GSDMC: variants seen among roughly 807,000 people sequenced by gnomAD.
The protein encoded by GSDMC is gasdermin C.
In GSDMC, 59 loss-of-function variants were observed where a neutral mutation model predicts 58.0. The ratio of observed to expected loss-of-function variants is 1.02; its 90% CI spans 0.82 to 1.26. The LOEUF (loss-of-function observed/expected upper bound fraction) is 1.26. GSDMC is among the 50% of genes most tolerant of loss of function. The probability of loss-of-function intolerance (pLI) is 0.00; values close to 1 mark genes in which losing one functional copy is unlikely to be tolerated. For missense variants in GSDMC, 659 were observed against 598.5 expected, an observed-to-expected ratio of 1.10 and a Z score of -1.06; for synonymous variants, 241 against 220.2, an observed-to-expected ratio of 1.09 and a Z score of -0.83.
At chr8:129,744,109 A>C (rs1201419722), downstream of GSDMC, among the ~76,000 whole-genome samples, 1 of 151,780 alleles carries the variant, frequency 6.6e-6, no homozygotes. Context: ...TCAACCTCCT[A>C]TCTCTGTGTT....
At chr8:129,776,349 C>T in intron 2 of GSDMC, 64 bp from the exon 3 acceptor site, 1 of 1,290,444 alleles carries the variant, frequency 7.7e-7, no homozygotes, top group Non-Finnish European at 1.1e-6. Context: ...AAAGGTTTAG[C>T]CAAGAACAGC....
the GSDMC span, among the ~76,000 whole-genome samples, chr8:129,727,165 T>C: frequency 6.6e-6 from 1 of 152,200 alleles, no homozygotes; most frequent in South Asian, 2.1e-4. Context: ...AAAGAAGTCA[T>C]GCTGGATTAG....
chr8:129,785,176 A>T (rs971283979), intron 1 of GSDMC, among the ~76,000 whole-genome samples: 3 of 152,066 alleles, frequency 2.0e-5, no homozygotes, highest in African/African-American at 7.2e-5. Flanking sequence ...GCACTGTTGC[A>T]CTCCAGCCTG....
chr8:129,778,424 G>A (rs753521375), intron 1 of GSDMC, among the ~76,000 whole-genome samples: 1 of 152,078 alleles, frequency 6.6e-6, no homozygotes, highest in African/African-American at 2.4e-5. Flanking sequence ...AGTGAAAATG[G>A]ACCATTTCCT....
At chr8:129,742,691 G>A in the GSDMC span, among the ~76,000 whole-genome samples, 2 of 152,060 alleles carry the variant, frequency 1.3e-5, no homozygotes, top group Admixed American at 6.6e-5. Flanking sequence ...CAGTAATCTG[G>A]GGCAATCAGA....
At chr8:129,705,455 T>TTTAA in the GSDMC span, 1 of 152,688 alleles carries the variant, frequency 6.5e-6, no homozygotes, top group Non-Finnish European at 1.5e-5. Flanking sequence ...AGGAAAGAGG[T>TTTAA]TTAATTGACT....
chr8:129,741,915 A>AATATATATATATAT, the GSDMC span, among the ~76,000 whole-genome samples: 5,618 of 125,344 alleles, frequency 0.045, 266 homozygotes, highest in African/African-American at 0.075. Context: ...AAGAAAATGT[A>AATATATATATATAT]ATATATATAT....
the GSDMC span, among the ~76,000 whole-genome samples, chr8:129,733,012 C>A: frequency 7.2e-5 from 11 of 152,344 alleles, no homozygotes; most frequent in South Asian, 4.1e-4. Context: ...GATTATATCC[C>A]GCATGTGGCT....
At chr8:129,756,915 A>C (rs1250744030) in intron 6 of GSDMC, among the ~76,000 whole-genome samples, 2 of 152,276 alleles carry the variant, frequency 1.3e-5, no homozygotes, top group Middle Eastern at 3.4e-3. Context: ...CAGTACAAAG[A>C]GGCATATTTA....
chr8:129,731,366 C>T, the GSDMC span, among the ~76,000 whole-genome samples: 1 of 152,214 alleles, frequency 6.6e-6, no homozygotes, highest in Non-Finnish European at 1.5e-5. Context: ...TGCAAGCAAA[C>T]AACCTCACAC....
chr8:129,772,936 T>C (rs141597630), intron 3 of GSDMC, among the ~76,000 whole-genome samples: 1 of 152,332 alleles, frequency 6.6e-6, no homozygotes, highest in Non-Finnish European at 1.5e-5. Context: ...GTGGAATTTA[T>C]ACCTGGAATG....
chr8:129,719,304 T>C, the GSDMC span, among the ~76,000 whole-genome samples: 1 of 152,104 alleles, frequency 6.6e-6, no homozygotes, highest in South Asian at 2.1e-4. Context: ...TAATAAGAGA[T>C]CAATTCATCA....
At chr8:129,765,519 C>T in intron 4 of GSDMC, 109 bp downstream of exon 4, 1 of 801,994 alleles carries the variant, frequency 1.2e-6, no homozygotes. Flanking sequence ...GACTCCATCC[C>T]TTGTAATCCC....
At chr8:129,760,517 A>T in intron 6 of GSDMC, 28 bp downstream of exon 6, 1 of 1,466,286 alleles carries the variant, frequency 6.8e-7, no homozygotes, top group South Asian at 1.2e-5. Context: ...AAAATAAAAA[A>T]ATAAAAAGAC....
chr8:129,759,967 A>C (rs1429158736), intron 6 of GSDMC, among the ~76,000 whole-genome samples: 1 of 152,228 alleles, frequency 6.6e-6, no homozygotes, highest in Non-Finnish European at 1.5e-5. Flanking sequence ...CTAAATGTCC[A>C]TCAACAGATG....
chr8:129,706,365 G>C, the GSDMC span, among the ~76,000 whole-genome samples: 1 of 152,118 alleles, frequency 6.6e-6, no homozygotes, highest in Non-Finnish European at 1.5e-5. Flanking sequence ...GGGAAGAAAA[G>C]GAAAAACATG....
the GSDMC span, among the ~76,000 whole-genome samples, chr8:129,716,685 T>C: frequency 1.3e-5 from 2 of 152,206 alleles, no homozygotes; most frequent in East Asian, 3.8e-4. Flanking sequence ...AGGGCATCCT[T>C]GTCTTGTGCC....
chr8:129,730,051 G>A, the GSDMC span: 1 of 1,158,090 alleles, frequency 8.6e-7, no homozygotes, highest in South Asian at 1.5e-5. Context: ...AGTATTCCTT[G>A]AAAATAAGTA....
rs756686327 is a variant in GSDMC at position 129,751,551 on chromosome 8, AG to A, written c.933del (p.Phe312SerfsTer16). 1.2e-5 allele frequency: 20 copies of A among 1,611,656 alleles called. No individual in the cohort carries two copies. Among genetic ancestry groups the A allele is most frequent in the Non-Finnish European group, 1.6e-5 (19 of 1,178,646 alleles). On this transcript the variant is annotated frameshift_variant, in exon 10 of 14. Transcript: ENST00000276708. LOFTEE classifies it high-confidence loss of function. Reference protein sequence around the residue: ...HILPVGRIEEPFWQNFKHLQE... With the variant: ...HILPVGRIEEXFWQNFKHLQE... Reference sequence around the variant, plus strand: ...CTTAATAAATACTTACTTTGCCAGAAGGGTTCCTCTATTCTTCCTAGAAGGA... The same window carrying A: ...CTTAATAAATACTTACTTTGCCAGAAGGTTCCTCTATTCTTCCTAGAAGGA...
Sources: gnomAD v4.1 joint callset for allele counts (sites outside exome capture counted in the v4.1 genomes callset) on GRCh38, gnomAD v4.1.1 for gene constraint, MANE v1.5 for transcripts, NCBI Gene and HGNC (gene_info 2026-07-23, HGNC 2026-07-21) for gene names.